STRBP: variants seen among roughly 807,000 people sequenced by gnomAD.
STRBP encodes the protein spermatid perinuclear RNA-binding protein.
A neutral mutation model predicts 80.1 loss-of-function variants in STRBP; 13 were observed. That is an observed-to-expected ratio of 0.16 (90% confidence interval 0.11 to 0.26). The LOEUF is 0.26. Ranked by LOEUF, STRBP falls within the 10% of genes least tolerant of loss-of-function variation. STRBP has a pLI of 1.00. For missense variants in STRBP, 485 were observed against 815.2 expected (o/e 0.59, Z 4.93); for synonymous variants, 284 against 291.2 (o/e 0.98, Z 0.25).
chr9:123,195,546 T>C (rs1433220063), intron 2 of STRBP, among the ~76,000 whole-genome samples: 22 of 152,150 alleles, frequency 1.4e-4, no homozygotes, highest in Admixed American at 1.4e-3. Flanking sequence ...CATTTCTATA[T>C]GCCAACAGCA....
chr9:123,175,795 C>T (rs759916273), intron 4 of STRBP, among the ~76,000 whole-genome samples: 1 of 152,162 alleles, frequency 6.6e-6, no homozygotes, highest in Non-Finnish European at 1.5e-5. Context: ...TCCTTACTGG[C>T]CTTTCTGACC....
At chr9:123,202,081 T>C (rs1161268228) in intron 2 of STRBP, among the ~76,000 whole-genome samples, 1 of 152,244 alleles carries the variant, frequency 6.6e-6, no homozygotes, top group Non-Finnish European at 1.5e-5. Context: ...TTATGTAGAA[T>C]ACCTTTTTCC....
intron 2 of STRBP, among the ~76,000 whole-genome samples, chr9:123,191,350 C>T (rs369832409): frequency 3.3e-5 from 5 of 151,846 alleles, no homozygotes; most frequent in African/African-American, 7.2e-5. Context: ...GAAGGGCGTG[C>T]CTGCGTTCAG....
At chr9:123,164,046 G>GTTTTGTT (rs200178740) in intron 6 of STRBP, among the ~76,000 whole-genome samples, 1 of 151,938 alleles carries the variant, frequency 6.6e-6, no homozygotes, top group Admixed American at 6.6e-5. Context: ...GCTTGTTTTT[G>GTTTTGTT]TTTTGTTTTT....
Position 123,197,312 on chromosome 9 carries a change from G to GTATT in STRBP, c.-164-13018_-164-13015dup, listed in dbSNP as rs1236543045. ...AGTTAAATAGAAGGAAAACAATCTA[G>GTATT]TATTTGATAACACAACAGGGTGATT... On this transcript the variant is annotated intron_variant, in intron 2 of 18. Transcript: ENST00000348403. Among the ~76,000 whole-genome samples, 4 of 152,132 alleles carry GTATT rather than the reference G, an allele frequency of 2.6e-5. 1 individual carries two copies. The highest frequency in any genetic ancestry group is 9.7e-5 in the African/African-American group (4 of 41,420).
chr9:123,117,428 G>A (rs963424273), downstream of STRBP, among the ~76,000 whole-genome samples: 8 of 152,198 alleles, frequency 5.3e-5, no homozygotes, highest in African/African-American at 1.9e-4. Flanking sequence ...TACAGCAGCA[G>A]AAGAATCCAA....
chr9:123,218,816 A>C (rs1362578581), intron 2 of STRBP, among the ~76,000 whole-genome samples: 1 of 152,194 alleles, frequency 6.6e-6, no homozygotes, highest in Non-Finnish European at 1.5e-5. Flanking sequence ...ACTAACATAC[A>C]TAATCTAATT....
rs140866729 is a variant in STRBP, at chr9:123,161,412, T to G, written c.536-344A>C. ...AATAAGTACAGAGCACTTTTTCCTT[T>G]GGCAGGATGCAAAGAAGGGAAATCT... On this transcript the variant is annotated intron_variant, in intron 6 of 18. Transcript: ENST00000348403. Among the ~76,000 whole-genome samples, 863 of 152,336 alleles carry G rather than the reference T, an allele frequency of 5.7e-3. 6 individuals carry two copies. Among genetic ancestry groups the G allele is most frequent in the Non-Finnish European group, 8.4e-3 (571 of 68,024 alleles).
intron 1 of STRBP, among the ~76,000 whole-genome samples, chr9:123,267,881 C>G (rs1364718263): frequency 6.7e-6 from 1 of 150,160 alleles, no homozygotes; most frequent in Non-Finnish European, 1.5e-5. Context: ...GTGCCCCCCC[C>G]CACCGGACGG....
chr9:123,250,048 T>C (rs564117936), intron 1 of STRBP, among the ~76,000 whole-genome samples: 1 of 152,368 alleles, frequency 6.6e-6, no homozygotes, highest in African/African-American at 2.4e-5. Context: ...GATTTTAATG[T>C]AACAGGACAC....
At chr9:123,164,171 G>A (rs1388382888) in intron 6 of STRBP, among the ~76,000 whole-genome samples, 1 of 152,024 alleles carries the variant, frequency 6.6e-6, no homozygotes, top group East Asian at 1.9e-4. Context: ...TTGGCCTCCC[G>A]AACAGCTGGG....
intron 6 of STRBP, 141 bp from the exon 7 acceptor site, chr9:123,161,209 G>A (rs896015253): frequency 1.6e-6 from 1 of 632,548 alleles, no homozygotes; most frequent in South Asian, 2.3e-5. Flanking sequence ...TCATTTGGCT[G>A]TGTTGCTTTT....
chr9:123,256,968 G>A (rs1259153859), intron 1 of STRBP, among the ~76,000 whole-genome samples: 2 of 150,772 alleles, frequency 1.3e-5, no homozygotes, highest in Admixed American at 6.6e-5. Context: ...AGAACCAGTC[G>A]TATTTATTTC....
Position 123,195,659 on chromosome 9 carries a change from A to G in STRBP, c.-164-11361T>C, listed in dbSNP as rs114208147. 8.9e-3 allele frequency among the ~76,000 whole-genome samples: 1,356 copies of G among 152,288 alleles called. 21 individuals are homozygous for G. Among genetic ancestry groups the G allele is most frequent in the African/African-American group, 0.031 (1,301 of 41,546 alleles). On this transcript the variant is annotated intron_variant, in intron 2 of 18. Coordinates refer to ENST00000348403, the MANE Select transcript of STRBP (RefSeq NM_018387.5). ...AGCCAAAGAAGTGAAAGATCTCTAC[A>G]ATGAAAACTATAAAGTGCTGATGGA...
intron 13 of STRBP, 142 bp from the exon 14 acceptor site, chr9:123,139,829 G>C (rs773110864): frequency 1.3e-6 from 1 of 785,250 alleles, no homozygotes; most frequent in African/African-American, 1.8e-5. Context: ...TACTAAATCT[G>C]TAAGTCCTTG....
At chr9:123,235,584 CAAAAAAAAAAAAAAAAAAAAAA>C (rs71390421) in intron 2 of STRBP, among the ~76,000 whole-genome samples, 40 of 36,496 alleles carry the variant, frequency 1.1e-3, no homozygotes, top group African/African-American at 3.3e-3. Context: ...ACAAGTTCAG[CAAAAAAAAAAAAAAAAAAAAAA>C]AAAAAAAAAA....
chr9:123,167,292 A>T (rs1412918134), intron 6 of STRBP, among the ~76,000 whole-genome samples: 8 of 151,862 alleles, frequency 5.3e-5, no homozygotes, highest in Non-Finnish European at 1.0e-4. Context: ...ATTTTTTTTT[A>T]ACTTTGAGAA....
intron 2 of STRBP, among the ~76,000 whole-genome samples, chr9:123,217,940 A>G (rs892478083): frequency 1.3e-5 from 2 of 152,260 alleles, no homozygotes; most frequent in Non-Finnish European, 2.9e-5. Context: ...CTCTTCAAAT[A>G]AAATTTTAAC....
At chr9:123,205,811 G>A (rs1337890304) in intron 2 of STRBP, among the ~76,000 whole-genome samples, 1 of 152,190 alleles carries the variant, frequency 6.6e-6, no homozygotes, top group Non-Finnish European at 1.5e-5. Context: ...GGTCAGAAAA[G>A]ACAAGTAGCT....
Sources: allele counts gnomAD v4.1 joint callset (sites outside exome capture counted in the v4.1 genomes callset), GRCh38; gene constraint gnomAD v4.1.1; transcripts MANE v1.5; gene names NCBI Gene and HGNC (gene_info 2026-07-23, HGNC 2026-07-21).